Variants in SLC9D1 observed in about 807,000 individuals in gnomAD.
SLC9D1 encodes putative LAG1-interacting protein.
At chr13:113,513,802 A>G in the SLC9D1 span, among the ~76,000 whole-genome samples, 9 of 152,348 alleles carry the variant, frequency 5.9e-5, no homozygotes, top group Non-Finnish European at 1.2e-4. Context: ...AGGAGTTTTC[A>G]TGAAACTGAA....
chr13:113,544,764 A>G, the SLC9D1 span, among the ~76,000 whole-genome samples: 1 of 152,212 alleles, frequency 6.6e-6, no homozygotes, highest in Non-Finnish European at 1.5e-5. Flanking sequence ...GTTCTCACGC[A>G]TGTGGCCTCA....
chr13:113,495,743 C>T, the SLC9D1 span: 3 of 1,614,030 alleles, frequency 1.9e-6, no homozygotes, highest in Admixed American at 1.7e-5. Context: ...GGGACAGCTG[C>T]AGGAAGCTCT....
the SLC9D1 span, among the ~76,000 whole-genome samples, chr13:113,544,422 C>T: frequency 2.0e-5 from 3 of 151,560 alleles, no homozygotes; most frequent in East Asian, 3.9e-4. Context: ...GCCCAGGTTT[C>T]GGAGCAGGTG....
At chr13:113,531,513 C>T in the SLC9D1 span, among the ~76,000 whole-genome samples, 14 of 151,662 alleles carry the variant, frequency 9.2e-5, no homozygotes, top group South Asian at 4.2e-4. Flanking sequence ...GCAGGTGACA[C>T]GGCGCCCCGT....
At chr13:113,549,406 C>G in the SLC9D1 span, 2 of 1,612,754 alleles carry the variant, frequency 1.2e-6, no homozygotes. Flanking sequence ...GTGACCCGCT[C>G]TGCACTTTGC....
the SLC9D1 span, chr13:113,534,173 T>G: frequency 1.9e-6 from 3 of 1,598,632 alleles, no homozygotes; most frequent in Non-Finnish European, 2.6e-6. Context: ...AAGCTGCACA[T>G]GGAAAGCAAG....
At chr13:113,525,750 A>G in the SLC9D1 span, among the ~76,000 whole-genome samples, 2 of 151,924 alleles carry the variant, frequency 1.3e-5, no homozygotes, top group Admixed American at 1.3e-4. Flanking sequence ...ATTCTAGAAC[A>G]AGCCATCGTC....
chr13:113,503,429 G>T, the SLC9D1 span: 1 of 1,216,928 alleles, frequency 8.2e-7, no homozygotes, highest in Non-Finnish European at 1.2e-6. Context: ...GGGCATGATT[G>T]TTGAGTTAAG....
At chr13:113,540,223 C>T in the SLC9D1 span, among the ~76,000 whole-genome samples, 1 of 152,154 alleles carries the variant, frequency 6.6e-6, no homozygotes, top group African/African-American at 2.4e-5. Context: ...GTCTTTATGG[C>T]AGAAGGACGT....
chr13:113,521,562 G>T, the SLC9D1 span, among the ~76,000 whole-genome samples: 2 of 152,124 alleles, frequency 1.3e-5, no homozygotes, highest in Non-Finnish European at 1.5e-5. Flanking sequence ...GTGTGTATGC[G>T]TGTAGGAGAG....
At chr13:113,531,568 C>T in the SLC9D1 span, among the ~76,000 whole-genome samples, 1 of 151,376 alleles carries the variant, frequency 6.6e-6, no homozygotes, top group Non-Finnish European at 1.5e-5. Context: ...GCAGGTGGCA[C>T]GGCACCCCGT....
chr13:113,529,266 C>G, the SLC9D1 span: 2 of 152,166 alleles, frequency 1.3e-5, no homozygotes, highest in East Asian at 3.8e-4. Context: ...TGGAAAAATA[C>G]TCTGTAATGC....
the SLC9D1 span, among the ~76,000 whole-genome samples, chr13:113,526,463 T>C: frequency 6.6e-6 from 1 of 152,076 alleles, no homozygotes; most frequent in Non-Finnish European, 1.5e-5. Context: ...CTCACACCTG[T>C]AATCCTAGTC....
At chr13:113,495,986 C>CCGGCAG in the SLC9D1 span, 20 of 1,612,802 alleles carry the variant, frequency 1.2e-5, no homozygotes, top group East Asian at 1.6e-4. Context: ...AGGAGAGCAG[C>CCGGCAG]CGGCAGCGCC....
chr13:113,546,301 G>T, the SLC9D1 span, among the ~76,000 whole-genome samples: 1 of 151,754 alleles, frequency 6.6e-6, no homozygotes, highest in East Asian at 2.0e-4. This position sits in a 1 kb window ranked among gnomAD's most constrained non-coding sequence, Gnocchi z 7.1. Flanking sequence ...GAGGGAGGTG[G>T]ACCCCAGGCC....
chr13:113,503,783 A>G, the SLC9D1 span: 1 of 562,754 alleles, frequency 1.8e-6, no homozygotes, highest in Non-Finnish European at 3.1e-6. Context: ...GTAGAAATTC[A>G]GTGAAGAATT....
At chr13:113,491,433 C>T in the SLC9D1 span, among the ~76,000 whole-genome samples, 3 of 151,036 alleles carry the variant, frequency 2.0e-5, no homozygotes, top group Admixed American at 2.0e-4. Flanking sequence ...CTGGGGCTCC[C>T]CTCTCTCCCT....
the SLC9D1 span, chr13:113,548,179 A>G: frequency 1.7e-5 from 18 of 1,070,264 alleles, no homozygotes; most frequent in African/African-American, 2.4e-4. Context: ...GCCTTTCCCT[A>G]CTTGACGTGT....
the SLC9D1 span, chr13:113,534,173 T>C: frequency 4.4e-6 from 7 of 1,598,632 alleles, no homozygotes; most frequent in Non-Finnish European, 5.1e-6. Context: ...AAGCTGCACA[T>C]GGAAAGCAAG....
Sources: allele counts gnomAD v4.1 joint callset (sites outside exome capture counted in the v4.1 genomes callset), GRCh38; gene constraint gnomAD v4.1.1; non-coding constraint Gnocchi (gnomAD v3.1); transcripts MANE v1.5; gene names NCBI Gene and HGNC (gene_info 2026-07-23, HGNC 2026-07-21).